The following OPCML variants were observed in gnomAD, a reference collection of about 807,000 sequenced individuals.
OPCML encodes opioid binding protein/cell adhesion molecule like.
In OPCML, 13 loss-of-function variants were observed where a neutral mutation model predicts 37.8. That is an observed-to-expected ratio of 0.34 (90% CI 0.22 to 0.55). The LOEUF (loss-of-function observed/expected upper bound fraction) is 0.55. OPCML is among the 20% of genes least tolerant of loss of function. The probability of loss-of-function intolerance (pLI) is 0.91; values close to 1 mark genes in which losing one functional copy is unlikely to be tolerated. For synonymous variants in OPCML, 176 were observed against 168.8 expected (o/e 1.04, Z -0.33); for missense variants, 341 against 435.6 (o/e 0.78, Z 1.93).
At chr11:132,905,176 A>G (rs908263909) in intron 2 of OPCML, among the ~76,000 whole-genome samples, 7 of 150,382 alleles carry the variant, frequency 4.7e-5, no homozygotes, top group Non-Finnish European at 8.9e-5. Context: ...GAACTTGCCC[A>G]GTGTCTATCT....
chr11:132,721,313 T>C (rs912116143), intron 2 of OPCML, among the ~76,000 whole-genome samples: 5 of 152,158 alleles, frequency 3.3e-5, no homozygotes, highest in Non-Finnish European at 7.4e-5. Context: ...AGGCCATGCT[T>C]CAGATAAGTC....
chr11:132,653,801 G>T (rs1941558408), intron 3 of OPCML, among the ~76,000 whole-genome samples: 1 of 152,148 alleles, frequency 6.6e-6, no homozygotes, highest in African/African-American at 2.4e-5. Flanking sequence ...CATCTGGTTG[G>T]CAGAAGAAAT....
intron 1 of OPCML, among the ~76,000 whole-genome samples, chr11:133,446,649 A>T (rs112653702): frequency 5.9e-5 from 9 of 152,162 alleles, no homozygotes; most frequent in Non-Finnish European, 8.8e-5. Context: ...TCAGTTTTAG[A>T]ACCCTTTCCA....
At chr11:132,687,172 A>T (rs1204503645) in intron 2 of OPCML, among the ~76,000 whole-genome samples, 1 of 151,634 alleles carries the variant, frequency 6.6e-6, no homozygotes, top group African/African-American at 2.4e-5. Context: ...TCTCATATGT[A>T]TTACGGTTAG....
At chr11:132,712,758 G>C (rs1289616842) in intron 2 of OPCML, among the ~76,000 whole-genome samples, 1 of 152,216 alleles carries the variant, frequency 6.6e-6, no homozygotes, top group Non-Finnish European at 1.5e-5. Context: ...TTCTGGCAAG[G>C]TTTCCAGTTT....
chr11:133,246,000 G>C (rs909114262), intron 1 of OPCML, among the ~76,000 whole-genome samples: 6 of 151,996 alleles, frequency 3.9e-5, no homozygotes, highest in African/African-American at 1.5e-4. Context: ...GAGAGCATTA[G>C]GACAATGCAT....
At chr11:132,993,631 G>C (rs1433786166) in intron 1 of OPCML, among the ~76,000 whole-genome samples, 1 of 152,102 alleles carries the variant, frequency 6.6e-6, no homozygotes, top group Non-Finnish European at 1.5e-5. Flanking sequence ...TGCACACAGA[G>C]CCCCTGCCCT....
At chr11:132,694,435 G>C (rs1237018105) in intron 2 of OPCML, among the ~76,000 whole-genome samples, 1 of 151,988 alleles carries the variant, frequency 6.6e-6, no homozygotes, top group African/African-American at 2.4e-5. Context: ...CTGACCTCGT[G>C]ATCTGCCCAT....
intron 1 of OPCML, among the ~76,000 whole-genome samples, chr11:132,966,029 A>T (rs901360073): frequency 6.6e-6 from 1 of 151,642 alleles, no homozygotes; most frequent in African/African-American, 2.4e-5. Flanking sequence ...TACTATTTTT[A>T]TTATTTATTA....
intron 1 of OPCML, among the ~76,000 whole-genome samples, chr11:133,240,294 A>G (rs1940680469): frequency 6.6e-6 from 1 of 151,372 alleles, no homozygotes. Context: ...ATATGTATCC[A>G]TAATGTTGTA....
At chr11:132,860,905 T>C (rs1942273989) in intron 2 of OPCML, 1 of 152,184 alleles carries the variant, frequency 6.6e-6, no homozygotes, top group South Asian at 2.1e-4. Flanking sequence ...TTTGAGGTAG[T>C]AGGCAAAATT....
At chr11:133,059,772 T>G (rs948927148) in intron 1 of OPCML, among the ~76,000 whole-genome samples, 4 of 152,210 alleles carry the variant, frequency 2.6e-5, no homozygotes, top group South Asian at 2.1e-4. Context: ...CAATATGTGC[T>G]TGAAAGAAGG....
intron 1 of OPCML, among the ~76,000 whole-genome samples, chr11:133,045,906 C>T (rs918497660): frequency 1.3e-5 from 2 of 152,202 alleles, no homozygotes; most frequent in Non-Finnish European, 2.9e-5. Context: ...CTTCCAATGG[C>T]TGCCTGTAGC....
chr11:133,236,319 C>T (rs373587012), intron 1 of OPCML, among the ~76,000 whole-genome samples: 11 of 152,228 alleles, frequency 7.2e-5, no homozygotes, highest in South Asian at 4.1e-4. Context: ...CAGGACGGCA[C>T]GAGGTCTCAT....
At chr11:132,845,389 G>T (rs1941481694) in intron 2 of OPCML, among the ~76,000 whole-genome samples, 1 of 152,146 alleles carries the variant, frequency 6.6e-6, no homozygotes, top group Non-Finnish European at 1.5e-5. Flanking sequence ...AGAAAATATA[G>T]AACAAAGCAC....
chr11:133,309,012 AAGG>A (rs1349712245), intron 1 of OPCML, among the ~76,000 whole-genome samples: 1 of 152,206 alleles, frequency 6.6e-6, no homozygotes, highest in Non-Finnish European at 1.5e-5. Context: ...TTCTTCCTTG[AAGG>A]AGAATTCCAA....
intron 1 of OPCML, among the ~76,000 whole-genome samples, chr11:133,345,774 C>T (rs950763243): frequency 6.6e-6 from 1 of 152,184 alleles, no homozygotes; most frequent in Non-Finnish European, 1.5e-5. Context: ...CTTCTAGGCT[C>T]AAGCCCACCC....
intron 1 of OPCML, among the ~76,000 whole-genome samples, chr11:133,502,966 G>A (rs1947948917): frequency 6.6e-6 from 1 of 152,286 alleles, no homozygotes; most frequent in Middle Eastern, 3.4e-3. Flanking sequence ...TCCCAGCTAA[G>A]TTGTTCAGTA....
In OPCML at chr11:133,206,926, G is replaced by A. The variant is rs1939089399; in HGVS notation, c.62-263916C>T. Reference sequence around the variant, plus strand: ...ACCAATGACTGAGAAGCGAGGCCCGGATCACGTAATCCAGATGTTGCTCCT... The same window carrying A: ...ACCAATGACTGAGAAGCGAGGCCCGAATCACGTAATCCAGATGTTGCTCCT... On this transcript the variant is annotated intron_variant, in intron 1 of 7. Coordinates refer to ENST00000524381, the MANE Select transcript of OPCML (RefSeq NM_001012393.5). The surrounding 1 kb of genome is among the most constrained non-coding windows in gnomAD (Gnocchi z 4.7). Among the ~76,000 whole-genome samples, 1 of 152,042 alleles carries A rather than the reference G, an allele frequency of 6.6e-6. No individual in the cohort carries two copies. Among genetic ancestry groups the A allele is most frequent in the African/African-American group, 2.4e-5 (1 of 41,406 alleles).
Sources: gnomAD v4.1 joint callset for allele counts (sites outside exome capture counted in the v4.1 genomes callset) on GRCh38, gnomAD v4.1.1 for gene constraint, Gnocchi (gnomAD v3.1) non-coding constraint, MANE v1.5 for transcripts, NCBI Gene and HGNC (gene_info 2026-07-23, HGNC 2026-07-21) for gene names.